Variants in RASSF3 observed in about 807,000 individuals in gnomAD.
The protein encoded by RASSF3 is ras association domain-containing protein 3.
RASSF3 carries 19 observed loss-of-function variants against 19.9 expected under a neutral mutation model. The ratio of observed to expected loss-of-function variants is 0.96; its 90% confidence interval spans 0.67 to 1.40. The LOEUF (loss-of-function observed/expected upper bound fraction) is 1.40, where lower values mean the gene tolerates loss of function less well. Among genes scored for constraint, RASSF3 ranks in the 40% most tolerant of loss-of-function variants. The pLI, the probability that RASSF3 is intolerant of heterozygous loss-of-function variation, is 0.00. For missense variants in RASSF3, 306 were observed against 289.8 expected (o/e 1.06, Z -0.41); for synonymous variants, 110 against 104.2 (o/e 1.06, Z -0.34).
In RASSF3 at chr12:64,561,987, G is replaced by GTATTTATTTATT. The variant is rs71092982; in HGVS notation, c.294+20308_294+20319dup. Among the ~76,000 whole-genome samples the GTATTTATTTATT allele has an allele frequency of 3.2e-3, 434 of 135,424 alleles. 2 individuals carry two copies. The highest frequency in any genetic ancestry group is 7.2e-3 in the Middle Eastern group (2 of 278). 88.8% of individuals were successfully genotyped at this position (135,424 alleles called of 152,430 possible). On this transcript the variant is annotated intron_variant, in intron 2 of 5. Coordinates refer to the RASSF3 transcript ENST00000637125. ...CATGAGCCACTGTGCATGGCCCATA[G>GTATTTATTTATT]TATTTATTTATTTATTTATTTATTT...
intron 2 of RASSF3, among the ~76,000 whole-genome samples, chr12:64,579,333 C>T (rs527296491): frequency 6.2e-4 from 90 of 145,618 alleles, no homozygotes; most frequent in African/African-American, 2.0e-3. Context: ...GAATTATTAG[C>T]AATAGCCAAG....
At chr12:64,687,888 G>A (rs989677132) in intron 2 of RASSF3, among the ~76,000 whole-genome samples, 4 of 152,104 alleles carry the variant, frequency 2.6e-5, no homozygotes, top group African/African-American at 4.8e-5. Flanking sequence ...CATCTGCTCC[G>A]TTGGATTGTA....
chr12:64,650,516 C>T lies in RASSF3; in HGVS notation c.112-34271C>T, dbSNP rs568018084. Among the ~76,000 whole-genome samples the T allele has an allele frequency of 5.5e-5, 8 of 145,530 alleles. No homozygotes were observed. In the East Asian group the frequency reaches 6.1e-4, roughly 11 times the overall value. On this transcript the variant is annotated intron_variant, in intron 1 of 4. Transcript: ENST00000542104. ...CTGCAACCTCTGCCTCCCAGGTTCA[C>T]GGGATTCTTCTGCCTCAGCCTTCTA...
intron 2 of RASSF3, among the ~76,000 whole-genome samples, chr12:64,550,848 A>G (rs1341433954): frequency 7.1e-6 from 1 of 139,938 alleles, no homozygotes; most frequent in African/African-American, 2.6e-5. Flanking sequence ...GAAAGAAAGG[A>G]AAAAAAAAAG....
chr12:64,567,701 A>G (rs532152832), intron 2 of RASSF3, among the ~76,000 whole-genome samples: 1 of 152,344 alleles, frequency 6.6e-6, no homozygotes, highest in South Asian at 2.1e-4. Flanking sequence ...TGGAACTGCA[A>G]CTGCTAACGT....
chr12:64,638,575 G>A (rs1228217563), intron 1 of RASSF3, among the ~76,000 whole-genome samples: 7 of 117,594 alleles, frequency 6.0e-5, no homozygotes, highest in Non-Finnish European at 1.1e-4. Context: ...GTGAGACTCC[G>A]TCTCAAAAAA....
intron 2 of RASSF3, among the ~76,000 whole-genome samples, chr12:64,570,292 G>A (rs1034232487): frequency 1.3e-5 from 2 of 152,160 alleles, no homozygotes; most frequent in African/African-American, 2.4e-5. Context: ...TTCTTCTCTT[G>A]GAATGCTTAT....
intron 1 of RASSF3, among the ~76,000 whole-genome samples, chr12:64,508,700 C>T (rs572477927): frequency 6.6e-6 from 1 of 152,196 alleles, no homozygotes; most frequent in South Asian, 2.1e-4. Flanking sequence ...GCCTGACCAA[C>T]ATGGAGAAAC....
At chr12:64,554,847 G>T (rs1450097173) in intron 2 of RASSF3, among the ~76,000 whole-genome samples, 2 of 152,196 alleles carry the variant, frequency 1.3e-5, no homozygotes, top group Non-Finnish European at 2.9e-5. Context: ...TGTATTCTCA[G>T]TCCCTGGCAC....
At chr12:64,691,786 T>A (rs1187003548) in intron 4 of RASSF3, among the ~76,000 whole-genome samples, 1 of 87,156 alleles carries the variant, frequency 1.1e-5, no homozygotes, top group Admixed American at 1.3e-4. Flanking sequence ...GCCTATGATG[T>A]CATTCTCTCA....
At chr12:64,543,479 CCCCCCACT>C (rs1173148335), downstream of RASSF3, among the ~76,000 whole-genome samples, 4 of 50,976 alleles carry the variant, frequency 7.8e-5, no homozygotes, top group South Asian at 1.2e-3. Flanking sequence ...CGCCTGCCCA[CCCCCCACT>C]CCCCCACTCC....
At chr12:64,524,788 C>T (rs1868551627) in intron 1 of RASSF3, among the ~76,000 whole-genome samples, 1 of 152,202 alleles carries the variant, frequency 6.6e-6, no homozygotes, top group African/African-American at 2.4e-5. Context: ...CCAAGGACTG[C>T]AAACTCTTAT....
intron 1 of RASSF3, chr12:64,630,120 A>G (rs1871127924): frequency 1.3e-5 from 2 of 152,170 alleles, no homozygotes; most frequent in Non-Finnish European, 1.5e-5. Context: ...GAATTTACAC[A>G]TAGGCATTCC....
chr12:64,641,414 A>ACACACACACGCGCG, intron 1 of RASSF3, among the ~76,000 whole-genome samples: 2 of 142,194 alleles, frequency 1.4e-5, no homozygotes, highest in African/African-American at 5.6e-5. Flanking sequence ...ACACACACAC[A>ACACACACACGCGCG]CGCGCGCGCG....
intron 1 of RASSF3, among the ~76,000 whole-genome samples, chr12:64,512,727 T>C (rs1185691696): frequency 6.6e-6 from 1 of 152,202 alleles, no homozygotes; most frequent in Non-Finnish European, 1.5e-5. Context: ...CTACATTAAA[T>C]AACATTCTCT....
At chr12:64,606,668 G>A (rs943824411), upstream of RASSF3, among the ~76,000 whole-genome samples, 1 of 151,928 alleles carries the variant, frequency 6.6e-6, no homozygotes, top group Non-Finnish European at 1.5e-5. Context: ...TACAAAAATT[G>A]GCCGGGTGAG....
chr12:64,626,580 C>T (rs927838402), intron 1 of RASSF3, among the ~76,000 whole-genome samples: 3 of 151,162 alleles, frequency 2.0e-5, no homozygotes, highest in African/African-American at 7.3e-5. Flanking sequence ...GTTTTTGAGA[C>T]AGGGTCTCGC....
Position 64,601,840 on chromosome 12 carries a change from G to A in RASSF3, c.294+60135G>A, listed in dbSNP as rs922136702. Among the ~76,000 whole-genome samples, 17 of 151,656 alleles carry A rather than the reference G, an allele frequency of 1.1e-4. No individual in the cohort carries two copies. The South Asian group carries it at 1.5e-3, about 13-fold the overall frequency. Reference sequence around the variant, plus strand: ...AAAAATAATTAAGAAATATAAGGCCGGGTGCAGTGGATCATGCCTGTAATC... The same window carrying A: ...AAAAATAATTAAGAAATATAAGGCCAGGTGCAGTGGATCATGCCTGTAATC... On this transcript the variant is annotated intron_variant, in intron 2 of 5. Transcript: ENST00000637125.
At chr12:64,519,216 G>A (rs373975016) in intron 1 of RASSF3, among the ~76,000 whole-genome samples, 27 of 152,094 alleles carry the variant, frequency 1.8e-4, no homozygotes, top group Non-Finnish European at 4.4e-5. Context: ...CCTGGGCTAC[G>A]TGGAGAGACC....
Sources: allele counts gnomAD v4.1 joint callset (sites outside exome capture counted in the v4.1 genomes callset), GRCh38; gene constraint gnomAD v4.1.1; transcripts MANE v1.5; gene names NCBI Gene and HGNC (gene_info 2026-07-23, HGNC 2026-07-21).